Variants in LINGO2 observed in about 807,000 individuals in gnomAD.
LINGO2 encodes the protein leucine-rich repeat and immunoglobulin-like domain-containing nogo receptor-interacting protein 2.
LINGO2 carries 14 observed loss-of-function variants against 30.6 expected under a neutral mutation model. That is an observed-to-expected ratio of 0.46 (90% CI 0.30 to 0.72). The LOEUF (loss-of-function observed/expected upper bound fraction) is 0.72, where lower values mean the gene tolerates loss of function less well. LINGO2 is among the 30% of genes least tolerant of loss of function. The pLI, the probability that LINGO2 is intolerant of heterozygous loss-of-function variation, is 0.07. For missense variants in LINGO2, 729 were observed against 751.7 expected, an observed-to-expected ratio of 0.97 and a Z score of 0.35; for synonymous variants, 317 against 288.5, an observed-to-expected ratio of 1.10 and a Z score of -1.00.
At chr9:28,205,092 C>G (rs1407411716) in intron 4 of LINGO2, among the ~76,000 whole-genome samples, 1 of 152,178 alleles carries the variant, frequency 6.6e-6, no homozygotes, top group African/African-American at 2.4e-5. Context: ...AGAGCCTATT[C>G]TAGAGACTAG....
intron 4 of LINGO2, among the ~76,000 whole-genome samples, chr9:28,085,691 G>C (rs1003080150): frequency 1.3e-5 from 2 of 152,094 alleles, no homozygotes; most frequent in African/African-American, 2.4e-5. Context: ...GGCATGGAAA[G>C]GAGGGTAGGC....
chr9:28,745,670 T>G, the LINGO2 span, among the ~76,000 whole-genome samples: 1 of 152,072 alleles, frequency 6.6e-6, no homozygotes, highest in Middle Eastern at 3.2e-3. Flanking sequence ...GGACTATTAT[T>G]AACTATTCTA....
chr9:28,006,666 A>T (rs1336171313), intron 5 of LINGO2, among the ~76,000 whole-genome samples: 5 of 152,122 alleles, frequency 3.3e-5, no homozygotes, highest in African/African-American at 1.2e-4. Flanking sequence ...CCCCAGTAGG[A>T]CTACAATAAT....
chr9:28,880,596 T>C, the LINGO2 span, among the ~76,000 whole-genome samples: 2 of 152,108 alleles, frequency 1.3e-5, no homozygotes, highest in Non-Finnish European at 1.5e-5. Context: ...AAATATGGCC[T>C]CGTGGGATGA....
At chr9:28,899,147 G>A in the LINGO2 span, among the ~76,000 whole-genome samples, 2 of 152,148 alleles carry the variant, frequency 1.3e-5, no homozygotes, top group African/African-American at 4.8e-5. Context: ...GATGCATTGA[G>A]GAAATAAGAA....
intron 1 of LINGO2, among the ~76,000 whole-genome samples, chr9:28,525,859 T>C (rs1182460713): frequency 1.3e-5 from 2 of 151,800 alleles, no homozygotes; most frequent in African/African-American, 4.8e-5. Context: ...ATGGAGACCA[T>C]CCTGGCTAAC....
the LINGO2 span, among the ~76,000 whole-genome samples, chr9:28,740,053 TTCC>T: frequency 6.6e-6 from 1 of 151,646 alleles, no homozygotes; most frequent in Non-Finnish European, 1.5e-5. Context: ...ATGTGTTAAT[TTCC>T]TTTTGTTTTT....
chr9:28,278,093 G>A (rs1823192457), intron 4 of LINGO2, among the ~76,000 whole-genome samples: 1 of 152,160 alleles, frequency 6.6e-6, no homozygotes, highest in Non-Finnish European at 1.5e-5. Context: ...CCAGACACAA[G>A]ATTCCATTAA....
intron 4 of LINGO2, among the ~76,000 whole-genome samples, chr9:28,226,391 C>T (rs976067170): frequency 6.6e-6 from 1 of 152,062 alleles, no homozygotes; most frequent in Non-Finnish European, 1.5e-5. Context: ...TTCCCAGTCT[C>T]TTATATATAC....
chr9:28,092,527 C>A (rs1300076944), intron 4 of LINGO2, among the ~76,000 whole-genome samples: 2 of 142,788 alleles, frequency 1.4e-5, no homozygotes, highest in African/African-American at 5.3e-5. Context: ...AGAGGAACAT[C>A]ACACACCAGG....
the LINGO2 span, among the ~76,000 whole-genome samples, chr9:28,882,158 G>A: frequency 1.3e-5 from 2 of 152,148 alleles, no homozygotes; most frequent in African/African-American, 4.8e-5. Context: ...TAATTTCCTT[G>A]AATCACAGAT....
At chr9:28,777,364 G>A in the LINGO2 span, among the ~76,000 whole-genome samples, 2 of 152,056 alleles carry the variant, frequency 1.3e-5, no homozygotes, top group African/African-American at 2.4e-5. Flanking sequence ...AGTAGGCAGG[G>A]TCCTATTTTA....
At chr9:28,211,014 A>G (rs895377775) in intron 4 of LINGO2, among the ~76,000 whole-genome samples, 1 of 151,498 alleles carries the variant, frequency 6.6e-6, no homozygotes, top group Admixed American at 6.6e-5. Context: ...ATTTGCCTGT[A>G]CTTTTCATGT....
At chr9:28,580,453 A>G (rs1340182323) in intron 1 of LINGO2, among the ~76,000 whole-genome samples, 1 of 151,882 alleles carries the variant, frequency 6.6e-6, no homozygotes, top group Non-Finnish European at 1.5e-5. Context: ...ACCCTTGCCC[A>G]TCCCCCTCCC....
chr9:28,764,957 A>G, the LINGO2 span, among the ~76,000 whole-genome samples: 1 of 152,016 alleles, frequency 6.6e-6, no homozygotes, highest in African/African-American at 2.4e-5. Flanking sequence ...TGAAACACCT[A>G]AACACTGAAC....
chr9:28,362,650 A>G (rs554176660), intron 3 of LINGO2, among the ~76,000 whole-genome samples: 1 of 151,982 alleles, frequency 6.6e-6, no homozygotes, highest in African/African-American at 2.4e-5. Context: ...TTGTATTTTT[A>G]GTAGAGACGG....
intron 4 of LINGO2, among the ~76,000 whole-genome samples, chr9:28,167,503 C>T (rs1249020611): frequency 6.6e-6 from 1 of 152,324 alleles, no homozygotes; most frequent in African/African-American, 2.4e-5. Context: ...GCCTCAACCT[C>T]CTGAGTAGCT....
chr9:29,210,862 AT>A, the LINGO2 span, among the ~76,000 whole-genome samples: 3 of 151,548 alleles, frequency 2.0e-5, no homozygotes, highest in African/African-American at 4.8e-5. Flanking sequence ...CAGGAAGTAC[AT>A]TTTTTTTTCT....
At chr9:29,050,293 G>A in the LINGO2 span, among the ~76,000 whole-genome samples, 2 of 152,138 alleles carry the variant, frequency 1.3e-5, no homozygotes, top group Non-Finnish European at 2.9e-5. Flanking sequence ...CCAAAGTGCT[G>A]GGATTACAGG....
Sources: allele counts gnomAD v4.1 joint callset (sites outside exome capture counted in the v4.1 genomes callset), GRCh38; gene constraint gnomAD v4.1.1; transcripts MANE v1.5; gene names NCBI Gene and HGNC (gene_info 2026-07-23, HGNC 2026-07-21).